The following MYRF variants were observed in gnomAD, a reference collection of about 807,000 sequenced individuals.
The protein encoded by MYRF is myelin regulatory factor.
A neutral mutation model predicts 126.3 loss-of-function variants in MYRF; 16 were observed. The observed-to-expected ratio is 0.13, with a 90% CI of 0.09 to 0.19. The LOEUF (loss-of-function observed/expected upper bound fraction) is 0.19, where lower values mean the gene tolerates loss of function less well. Among genes scored for constraint, MYRF ranks in the 10% least tolerant of loss-of-function variants. MYRF has a pLI of 1.00. For missense variants in MYRF, 1,104 were observed against 1,547.0 expected (o/e 0.71, Z 4.80); for synonymous variants, 608 against 635.3 (o/e 0.96, Z 0.65).
intron 5 of MYRF, 135 bp from the exon 6 acceptor site, chr11:61,771,365 T>G (rs2066214283): frequency 1.6e-6 from 2 of 1,229,180 alleles, no homozygotes; most frequent in Admixed American, 2.6e-5. Flanking sequence ...GCCTGAGGGC[T>G]TCCTGAAGGA....
chr11:61,752,813 C>G, intron 1 of MYRF, 23 bp downstream of exon 1: 1 of 1,484,562 alleles, frequency 6.7e-7, no homozygotes, highest in South Asian at 1.3e-5. Flanking sequence ...GGGCTGGCGG[C>G]GGCGACCCTC....
rs1465622522 is a variant in MYRF at position 61,752,692 on chromosome 11, C to T, written c.-53C>T. The stretch of plus-strand genomic sequence containing the variant: ...GGCCGCGCCGGCGATGCCGCGCCCC[C>T]GGGCCGGGCTGTAGCGGGGCCGCGG... On this transcript the variant is annotated 5_prime_UTR_variant, in exon 1 of 27. Coordinates refer to ENST00000278836, the MANE Select transcript of MYRF (RefSeq NM_001127392.3). The T allele has an allele frequency of 1.3e-5, 16 of 1,258,848 alleles. No homozygotes were observed. Among genetic ancestry groups the T allele is most frequent in the Admixed American group, 4.2e-5 (1 of 23,764 alleles). 78.0% of individuals were successfully genotyped at this position (1,258,848 alleles called of 1,614,324 possible). A position where few individuals can be genotyped will look rare whatever the true frequency, so the allele number is the denominator to read the frequency against.
chr11:61,783,421 G>C lies in MYRF; in HGVS notation c.3017-77G>C, dbSNP rs1186692175. On this transcript the variant is annotated intron_variant, in intron 22 of 26. Transcript: ENST00000278836. The surrounding 1 kb of genome is among the most constrained non-coding windows in gnomAD (Gnocchi z 4.6). ...TATTCATACTAAGGTGTGAGTGACTGCTTCAAGTCTGGCAAGGAAAGACTT... is the reference window on the plus strand; with the variant it reads ...TATTCATACTAAGGTGTGAGTGACTCCTTCAAGTCTGGCAAGGAAAGACTT... 1.1e-5 allele frequency: 13 copies of C among 1,148,456 alleles called. No homozygotes were observed. Among genetic ancestry groups the C allele is most frequent in the Non-Finnish European group, 1.7e-5 (13 of 771,306 alleles). The allele number at this position is 1,148,456 out of a possible 1,614,324, so 71.1% of individuals were successfully genotyped here. A position where few individuals can be genotyped will look rare whatever the true frequency, so the allele number is the denominator to read the frequency against.
intron 24 of MYRF, 64 bp from the exon 25 acceptor site, chr11:61,784,216 G>T (rs2066629541): frequency 1.4e-6 from 2 of 1,465,472 alleles, no homozygotes; most frequent in African/African-American, 1.4e-5. Context: ...CAGGCTGGCT[G>T]GGAGGGGGCT....
At chr11:61,779,818 T>G in intron 16 of MYRF, 24 bp from the exon 17 acceptor site, 1 of 1,609,596 alleles carries the variant, frequency 6.2e-7, no homozygotes, top group African/African-American at 1.3e-5. Context: ...TCTTTGCATT[T>G]GCACTTTTCC....
intron 16 of MYRF, 36 bp from the exon 17 acceptor site, chr11:61,779,806 C>T (rs2066489701): frequency 1.9e-6 from 3 of 1,596,020 alleles, no homozygotes; most frequent in Non-Finnish European, 2.6e-6. Context: ...TCAGCCTGGC[C>T]CTCTTTGCAT....
At chr11:61,758,334 C>T (rs968670008) in intron 1 of MYRF, among the ~76,000 whole-genome samples, 5 of 152,246 alleles carry the variant, frequency 3.3e-5, no homozygotes, top group Admixed American at 3.3e-4. Flanking sequence ...CCCTCACTCC[C>T]CTCTCTTCTC....
intron 8 of MYRF, 133 bp from the exon 9 acceptor site, chr11:61,775,923 C>T (rs1344147754): frequency 1.8e-5 from 14 of 770,918 alleles, no homozygotes; most frequent in East Asian, 5.3e-5. Context: ...TTGTGGGAAT[C>T]GCGGCTGAGG....
Position 61,783,344 on chromosome 11 carries a change from T to G in MYRF, c.3017-154T>G. On this transcript the variant is annotated intron_variant, in intron 22 of 26. Coordinates refer to ENST00000278836, the MANE Select transcript of MYRF (RefSeq NM_001127392.3). The surrounding 1 kb of genome is among the most constrained non-coding windows in gnomAD (Gnocchi z 4.6). The stretch of plus-strand genomic sequence containing the variant: ...AGTCCTAGGGCTGCTGAGGAAAGGG[T>G]GTAGTGTGATGCTGGCCATTGTGGA... 1 of 656,892 alleles carries G rather than the reference T, an allele frequency of 1.5e-6. No homozygotes were observed. Among genetic ancestry groups the G allele is most frequent in the Non-Finnish European group, 2.8e-6 (1 of 361,776 alleles). 40.7% of individuals were successfully genotyped at this position (656,892 alleles called of 1,614,324 possible). A position where few individuals can be genotyped will look rare whatever the true frequency, so the allele number is the denominator to read the frequency against.
chr11:61,772,396 T>C (rs554097994), intron 7 of MYRF, among the ~76,000 whole-genome samples: 18 of 152,332 alleles, frequency 1.2e-4, no homozygotes, highest in Middle Eastern at 3.4e-3. Context: ...TGGCTCCATC[T>C]TTCCAGGCCG....
chr11:61,776,336 C>A lies in MYRF; in HGVS notation c.1403C>A (p.Pro468His). 3.1e-6 allele frequency: 5 copies of A among 1,612,988 alleles called. No homozygotes were observed. The highest frequency in any genetic ancestry group is 4.2e-6 in the Non-Finnish European group (5 of 1,179,704). The stretch of plus-strand genomic sequence containing the variant: ...CTCCTCTGCAGGGTCAATCTGCCCC[C>A]TGAGCAGGTCACGAAGGTGACTGTG... Reference protein sequence around the residue: ...PFNPVTVNLPPEQVTKVTVGR... With the variant: ...PFNPVTVNLPHEQVTKVTVGR... Residue 468 changes from proline (P) to histidine (H), a missense_variant, in exon 10 of 27, where the codon CCT becomes CAT. Physicochemically the swap from Pro to His is moderately conservative, Grantham distance 77. This residue lies in a region of MYRF where 23 missense variants were observed against 26.6 expected (regional missense o/e 0.86). Transcript: ENST00000278836. This position sits in a 1 kb window ranked among gnomAD's most constrained non-coding sequence, Gnocchi z 4.3.
intron 1 of MYRF, among the ~76,000 whole-genome samples, chr11:61,764,227 C>A (rs925771621): frequency 1.3e-5 from 2 of 152,226 alleles, no homozygotes. Context: ...GCTCAGCATT[C>A]TTGAAATGCC....
intron 22 of MYRF, 165 bp downstream of exon 22, chr11:61,781,989 GATC>G (rs1176002058): frequency 1.3e-6 from 1 of 751,964 alleles, no homozygotes; most frequent in Non-Finnish European, 2.0e-6. Context: ...GCCTTACATA[GATC>G]ATCCCATTTA....
Position 61,786,943 on chromosome 11 carries a change from G to GAAGA in MYRF, c.*801_*804dup, listed in dbSNP as rs1424683894. 1 of 152,720 alleles carries GAAGA rather than the reference G, an allele frequency of 6.5e-6. No homozygotes were observed. The highest frequency in any genetic ancestry group is 6.5e-5 in the Admixed American group (1 of 15,278). The allele number at this position is 152,720 out of a possible 1,614,324, so 9.5% of individuals were successfully genotyped here. On this transcript the variant is annotated 3_prime_UTR_variant, in exon 27 of 27. Coordinates refer to ENST00000278836, the MANE Select transcript of MYRF (RefSeq NM_001127392.3). This position sits in a 1 kb window ranked among gnomAD's most constrained non-coding sequence, Gnocchi z 4.5. ...AGAGCCTTGAACCAGGAATATCCAG[G>GAAGA]AAGAGGAAATTCCCTTTGAGCCCCC... is the stretch of plus-strand genomic sequence containing the variant.
chr11:61,758,532 G>T (rs577540605), intron 1 of MYRF, among the ~76,000 whole-genome samples: 21 of 152,312 alleles, frequency 1.4e-4, no homozygotes, highest in African/African-American at 4.6e-4. Flanking sequence ...TTCCTGGGTG[G>T]CCACTAACCT....
rs1400554745 is a variant in MYRF, at chr11:61,752,924, G to T, written c.46+134G>T. On this transcript the variant is annotated intron_variant, in intron 1 of 26. Transcript: ENST00000278836. ...CCCTCCTTCAGGCTGGCACCAGCCC[G>T]CCAAGACAGGCTCCCGGGGCTGGGA... The T allele has an allele frequency of 6.1e-6, 5 of 820,378 alleles. No individual in the cohort carries two copies. The East Asian group carries it at 1.0e-4, about 17-fold the overall frequency. The allele number at this position is 820,378 out of a possible 1,614,324, so 50.8% of individuals were successfully genotyped here.
At chr11:61,780,501 G>A (rs2066513170) in intron 18 of MYRF, among the ~76,000 whole-genome samples, 1 of 152,162 alleles carries the variant, frequency 6.6e-6, no homozygotes, top group South Asian at 2.1e-4. Flanking sequence ...TGTCTGGCCT[G>A]TTTAGTGCCC....
chr11:61,783,947 T>TGGGAGGCAGGAG lies in MYRF; in HGVS notation c.3194+28_3194+39dup, dbSNP rs778245919. 10 of 1,587,282 alleles carry TGGGAGGCAGGAG rather than the reference T, an allele frequency of 6.3e-6. No homozygotes were observed. In the Admixed American group the frequency reaches 1.2e-4, roughly 20 times the overall value. Reference sequence around the variant, plus strand: ...TGAAGTGAGTGCCGGTGTGGGGAAGTGGGAGGCAGGAGGGGAGCCAGGGAG... The same window carrying TGGGAGGCAGGAG: ...TGAAGTGAGTGCCGGTGTGGGGAAGTGGGAGGCAGGAGGGGAGGCAGGAGGGGAGCCAGGGAG... On this transcript the variant is annotated intron_variant, in intron 24 of 26. Transcript: ENST00000278836. The surrounding 1 kb of genome is among the most constrained non-coding windows in gnomAD (Gnocchi z 4.6).
In MYRF at chr11:61,778,252, C is replaced by T; in HGVS notation, c.1904-128C>T. 1 of 706,422 alleles carries T rather than the reference C, an allele frequency of 1.4e-6. No homozygotes were observed. The highest frequency in any genetic ancestry group is 2.6e-5 in the East Asian group (1 of 39,020). 43.8% of individuals were successfully genotyped at this position (706,422 alleles called of 1,614,324 possible). On this transcript the variant is annotated intron_variant, in intron 13 of 26. Transcript: ENST00000278836. This position sits in a 1 kb window ranked among gnomAD's most constrained non-coding sequence, Gnocchi z 4.6. ...CGTGGGATCTCCCTGCTCCAGGGCT[C>T]CTTGGAATCCAAATCTCTGGGTTCC... is the stretch of plus-strand genomic sequence containing the variant.
Sources: gnomAD v4.1 joint callset for allele counts (sites outside exome capture counted in the v4.1 genomes callset) on GRCh38, gnomAD v4.1.1 for gene constraint, gnomAD v4.1.1 regional missense constraint, Gnocchi (gnomAD v3.1) non-coding constraint, MANE v1.5 for transcripts, NCBI Gene and HGNC (gene_info 2026-07-23, HGNC 2026-07-21) for gene names.